The following MADD variants were observed in gnomAD, a reference collection of about 807,000 sequenced individuals.
MADD encodes MAP kinase activating death domain.
A neutral mutation model predicts 176.7 loss-of-function variants in MADD; 109 were observed. The ratio of observed to expected loss-of-function variants is 0.62; its 90% CI spans 0.53 to 0.72. The LOEUF (loss-of-function observed/expected upper bound fraction) is 0.72. Among genes scored for constraint, MADD ranks in the 30% least tolerant of loss-of-function variants. MADD has a pLI of 0.00. For missense variants in MADD, 1,914 were observed against 2,045.5 expected (o/e 0.94, Z 1.24); for synonymous variants, 771 against 771.3 (o/e 1.00, Z 0.01).
exon 1 of MADD, chr11:47,270,156 C>A (rs937848870): frequency 3.9e-5 from 6 of 152,034 alleles, no homozygotes; most frequent in African/African-American, 1.4e-4. Context: ...AACTGGCGCC[C>A]GCTCGGAGCG....
intron 27 of MADD, among the ~76,000 whole-genome samples, chr11:47,316,383 T>A (rs2092954286): frequency 6.7e-6 from 1 of 148,580 alleles, no homozygotes; most frequent in Admixed American, 6.7e-5. Flanking sequence ...TTTTTTCTTT[T>A]TCTTTTTTTT....
exon 10 of MADD, chr11:47,282,886 C>T (rs755965991): frequency 8.1e-6 from 13 of 1,614,130 alleles, no homozygotes; most frequent in South Asian, 6.6e-5. Flanking sequence ...TCCACTATCG[C>T]GTCTATGACA....
In MADD at chr11:47,308,649, G is replaced by A. The variant is rs41299179; in HGVS notation, c.3701G>A (p.Arg1234His). 5.8e-4 allele frequency: 942 copies of A among 1,613,868 alleles called. No homozygotes were observed. Among genetic ancestry groups the A allele is most frequent in the Non-Finnish European group, 6.9e-4 (820 of 1,179,958 alleles). ...GAGAAGCTGGCAGGCAGCCCCATTC[G>A]TACTTCTGAAGATGTGAGCCAGCGA... is the stretch of plus-strand genomic sequence containing the variant. The change falls in exon 23 of 33, where the codon CGT becomes CAT. Residue 1234 changes from arginine to histidine, a missense_variant. By Grantham distance (29) the Arg-to-His change is conservative. Coordinates refer to ENST00000402192, the Ensembl canonical transcript of MADD.
chr11:47,319,097 C>T (rs2093853728), intron 27 of MADD, among the ~76,000 whole-genome samples: 1 of 149,142 alleles, frequency 6.7e-6, no homozygotes, highest in Non-Finnish European at 1.5e-5. Flanking sequence ...TGTGAGCTGC[C>T]ACACCTGGCC....
exon 23 of MADD, chr11:47,308,634 C>A: frequency 6.2e-7 from 1 of 1,614,040 alleles, no homozygotes; most frequent in Non-Finnish European, 8.5e-7. Flanking sequence ...GAGAAGCTGG[C>A]AGGCAGCCCC....
rs915096190 is a variant in MADD at position 47,270,473 on chromosome 11, G to A, written c.-89+227G>A. 4.7e-4 allele frequency among the ~76,000 whole-genome samples: 70 copies of A among 148,702 alleles called. 1 individual carries two copies. The highest frequency in any genetic ancestry group is 1.7e-3 in the African/African-American group (68 of 40,426). On this transcript the variant is annotated intron_variant, in intron 1 of 32. Transcript: ENST00000402192. ...CAGGCTACTGGGCTTGGTTCCTGCCGAGCGGGCGGCTCGGGTTCAGGTTCG... is the reference window on the plus strand; with the variant it reads ...CAGGCTACTGGGCTTGGTTCCTGCCAAGCGGGCGGCTCGGGTTCAGGTTCG...
intron 20 of MADD, among the ~76,000 whole-genome samples, chr11:47,294,364 TA>T (rs1159541312): frequency 1.3e-5 from 1 of 75,162 alleles, no homozygotes; most frequent in African/African-American, 6.9e-5. Flanking sequence ...AAAAAAAAAA[TA>T]AAAATAAAAA....
chr11:47,320,451 T>C (rs1442956059), intron 27 of MADD, among the ~76,000 whole-genome samples: 1 of 150,382 alleles, frequency 6.6e-6, no homozygotes, highest in East Asian at 2.0e-4. Flanking sequence ...CAAGACTCCG[T>C]CTCAAAAAAA....
chr11:47,309,186 A>T (rs907499287), intron 23 of MADD, 95 bp from the exon 27 acceptor site: 5 of 1,557,960 alleles, frequency 3.2e-6, no homozygotes, highest in Non-Finnish European at 2.6e-6. Context: ...ATTTGTAATT[A>T]TTCCCTTTTA....
exon 19 of MADD, chr11:47,290,714 A>G: frequency 6.2e-7 from 1 of 1,614,154 alleles, no homozygotes; most frequent in Admixed American, 1.7e-5. Flanking sequence ...GGCACAACTG[A>G]GAGTTCCACA....
intron 26 of MADD, among the ~76,000 whole-genome samples, chr11:47,314,109 C>CA (rs2141188124): frequency 6.6e-6 from 1 of 152,040 alleles, no homozygotes; most frequent in Admixed American, 6.5e-5. Context: ...GGCATGGTGG[C>CA]ATGCACCTGT....
chr11:47,290,068 T>A lies in MADD; in HGVS notation c.2943+15T>A, dbSNP rs1383982446. ...TCCCGGATGTGGTCAGTGTTGGGGG[T>A]AGGGAATCGGAGTAACTGGAGAGAG... On this transcript the variant is annotated intron_variant, in intron 17 of 32. Coordinates refer to ENST00000402192, the Ensembl canonical transcript of MADD. 1 of 1,612,530 alleles carries A rather than the reference T, an allele frequency of 6.2e-7. No individual in the cohort carries two copies. The highest frequency in any genetic ancestry group is 1.1e-5 in the South Asian group (1 of 91,050).
intron 22 of MADD, among the ~76,000 whole-genome samples, chr11:47,307,079 CTTT>C (rs3070459): frequency 6.9e-6 from 1 of 143,926 alleles, no homozygotes. Context: ...GATTTTTATA[CTTT>C]TTTTTTTTTT....
intron 22 of MADD, among the ~76,000 whole-genome samples, chr11:47,300,457 G>A (rs112652091): frequency 8.8e-5 from 7 of 79,188 alleles, no homozygotes; most frequent in Non-Finnish European, 1.3e-4. Context: ...TCTACCCCCC[G>A]CCCGCCCCAA....
chr11:47,327,468 G>C, intron 31 of MADD: 3 of 985,410 alleles, frequency 3.0e-6, no homozygotes, highest in Non-Finnish European at 3.6e-6. Flanking sequence ...GGCTCGTGCT[G>C]CCTCTCCCCA....
intron 8 of MADD, 33 bp downstream of exon 8, chr11:47,281,786 C>T (rs776781832): frequency 1.0e-5 from 15 of 1,444,708 alleles, no homozygotes; most frequent in Admixed American, 2.1e-5. Flanking sequence ...ATCACAAGTT[C>T]TTAAATTAAT....
intron 8 of MADD, among the ~76,000 whole-genome samples, chr11:47,282,144 T>C (rs1323899903): frequency 6.6e-6 from 1 of 152,164 alleles, no homozygotes; most frequent in Non-Finnish European, 1.5e-5. Context: ...CCAGGGTTTC[T>C]TTATGTATAA....
At position 47,326,529 on chromosome 11, in the gene MADD, T is replaced by C; in HGVS notation, c.4543-209T>C. The C allele has an allele frequency of 7.3e-7, 1 of 1,370,140 alleles. No individual in the cohort carries two copies. 84.9% of individuals were successfully genotyped at this position (1,370,140 alleles called of 1,614,324 possible). A position where few individuals can be genotyped will look rare whatever the true frequency, so the allele number is the denominator to read the frequency against. On this transcript the variant is annotated intron_variant, in intron 30 of 32. Transcript: ENST00000402192. ...AACGCCTTCATTTCTCTCCCATGCT[T>C]TCTCCTCCGGCCAGGAGCGGAAGGT... is the stretch of plus-strand genomic sequence containing the variant.
intron 22 of MADD, among the ~76,000 whole-genome samples, chr11:47,301,863 T>C (rs541608552): frequency 1.2e-3 from 185 of 152,370 alleles, no homozygotes; most frequent in African/African-American, 4.3e-3. Context: ...GCCTCATATG[T>C]GGTCTGTCCT....
Sources: allele counts gnomAD v4.1 joint callset (sites outside exome capture counted in the v4.1 genomes callset), GRCh38; gene constraint gnomAD v4.1.1; transcripts MANE v1.5; gene names NCBI Gene and HGNC (gene_info 2026-07-23, HGNC 2026-07-21).